The following PSG5 variants were observed in gnomAD, a reference collection of about 807,000 sequenced individuals.
PSG5 encodes the protein pregnancy-specific beta-1-glycoprotein 5.
Under a neutral mutation model 37.7 loss-of-function variants are expected in PSG5, and 53 were observed. The ratio of observed to expected loss-of-function variants is 1.41; its 90% CI spans 1.13 to 1.77. The LOEUF (loss-of-function observed/expected upper bound fraction) is 1.77, where lower values mean the gene tolerates loss of function less well. Among genes scored for constraint, PSG5 ranks in the 40% most tolerant of loss-of-function variants. The pLI is 0.00. For synonymous variants in PSG5, 221 were observed against 155.4 expected (o/e 1.42, Z -3.14); for missense variants, 547 against 405.2 (o/e 1.35, Z -3.00).
At chr19:43,180,490 G>T (rs974832714) in intron 2 of PSG5, 1 of 151,484 alleles carries the variant, frequency 6.6e-6, no homozygotes, top group African/African-American at 2.4e-5. Flanking sequence ...TTGAGTTTTG[G>T]AGCATTTCAG....
At chr19:43,180,056 A>G (rs1448965122) in intron 2 of PSG5, among the ~76,000 whole-genome samples, 8 of 151,682 alleles carry the variant, frequency 5.3e-5, no homozygotes, top group Non-Finnish European at 1.2e-4. Context: ...TGGATATTAG[A>G]CCAATATTTG....
chr19:43,168,645 T>G (rs935674630), intron 5 of PSG5, among the ~76,000 whole-genome samples: 11 of 151,786 alleles, frequency 7.2e-5, no homozygotes, highest in Non-Finnish European at 1.3e-4. Context: ...CTGCTGGGAT[T>G]GCAGGCGTGA....
At chr19:43,171,983 C>CAAAAAAAAAAAAAAAAAAA (rs60198220) in intron 4 of PSG5, among the ~76,000 whole-genome samples, 4 of 105,138 alleles carry the variant, frequency 3.8e-5, no homozygotes, top group African/African-American at 1.4e-4. Context: ...TCCCTCTCTT[C>CAAAAAAAAAAAAAAAAAAA]AAAAAAAAAA....
chr19:43,182,233 A>G (rs1230396207), intron 2 of PSG5, among the ~76,000 whole-genome samples: 1 of 151,780 alleles, frequency 6.6e-6, no homozygotes, highest in African/African-American at 2.4e-5. Flanking sequence ...TGAGATTAAG[A>G]TTATAGGAGG....
intron 4 of PSG5, chr19:43,174,085 A>G (rs1041474485): frequency 9.9e-5 from 15 of 151,724 alleles, no homozygotes; most frequent in African/African-American, 3.4e-4. Flanking sequence ...CCTTAAAGAT[A>G]TTATGCTAAC....
intron 2 of PSG5, among the ~76,000 whole-genome samples, chr19:43,179,382 T>C (rs1386413090): frequency 1.3e-5 from 2 of 151,510 alleles, no homozygotes; most frequent in Admixed American, 6.6e-5. Flanking sequence ...CAAGTGTGAA[T>C]TGAGCAGCAG....
chr19:43,175,495 G>C, intron 3 of PSG5, 26 bp from the exon 4 acceptor site: 3 of 1,584,538 alleles, frequency 1.9e-6, no homozygotes, highest in South Asian at 1.2e-5. Context: ...TGAAGCCACA[G>C]GTGATGTCAT....
In PSG5 at chr19:43,168,608, G is replaced by C. The variant is rs564898749; in HGVS notation, c.*41-405C>G. ...AGGATGGTCTCGATCTCCTGACATC[G>C]TGATGTGCCCACCTCGGCCTCCCAA... On this transcript the variant is annotated intron_variant, in intron 5 of 5. Transcript: ENST00000342951. Among the ~76,000 whole-genome samples, 8 of 151,770 alleles carry C rather than the reference G, an allele frequency of 5.3e-5. 1 individual carries two copies. Among genetic ancestry groups the C allele is most frequent in the African/African-American group, 1.5e-4 (6 of 41,298 alleles).
intron 4 of PSG5, among the ~76,000 whole-genome samples, chr19:43,171,740 A>G (rs1416315515): frequency 2.6e-5 from 4 of 151,506 alleles, no homozygotes; most frequent in Non-Finnish European, 5.9e-5. Flanking sequence ...AGGTCACAGC[A>G]GAAGGATTTC....
At chr19:43,181,305 G>T (rs1394740498) in intron 2 of PSG5, among the ~76,000 whole-genome samples, 1 of 151,654 alleles carries the variant, frequency 6.6e-6, no homozygotes, top group Non-Finnish European at 1.5e-5. Flanking sequence ...TAAATGTGAA[G>T]TTGAATGTGT....
chr19:43,182,041 C>G (rs985491890), intron 2 of PSG5, among the ~76,000 whole-genome samples: 1 of 151,702 alleles, frequency 6.6e-6, no homozygotes, highest in African/African-American at 2.4e-5. Context: ...GCATGTCTGA[C>G]TCCATCTGGC....
intron 4 of PSG5, chr19:43,170,700 C>T (rs1243546722): frequency 5.4e-6 from 1 of 184,016 alleles, no homozygotes; most frequent in Non-Finnish European, 1.2e-5. Flanking sequence ...CTTGCAAAAA[C>T]TCTTAGAACT....
In PSG5 at chr19:43,167,837, T is replaced by C. The variant is rs934677608; in HGVS notation, c.*407A>G. On this transcript the variant is annotated 3_prime_UTR_variant, in exon 6 of 6. Transcript: ENST00000342951. ...CACTCAGATAGAGAGCAAAAGCAAATGTTTCAATTTTTGTTTACAAAAGTA... is the reference window on the plus strand; with the variant it reads ...CACTCAGATAGAGAGCAAAAGCAAACGTTTCAATTTTTGTTTACAAAAGTA... 3.4e-5 allele frequency: 10 copies of C among 290,692 alleles called. No individual in the cohort carries two copies. In the Admixed American group the frequency reaches 5.2e-4, roughly 15 times the overall value. The allele number at this position is 290,692 out of a possible 1,614,324, so 18.0% of individuals were successfully genotyped here.
At chr19:43,168,769 A>G (rs1968842138) in intron 5 of PSG5, among the ~76,000 whole-genome samples, 1 of 151,648 alleles carries the variant, frequency 6.6e-6, no homozygotes, top group Admixed American at 6.6e-5. Flanking sequence ...ACAATTTAAT[A>G]TATCAAATAA....
intron 2 of PSG5, among the ~76,000 whole-genome samples, chr19:43,177,540 T>C (rs1368757482): frequency 6.6e-6 from 1 of 150,846 alleles, no homozygotes; most frequent in Non-Finnish European, 1.5e-5. Flanking sequence ...GTTTCTACCA[T>C]GGTGATTAGT....
In PSG5 at chr19:43,175,027, G is replaced by A. The variant is rs955095091; in HGVS notation, c.964+188C>T. On this transcript the variant is annotated intron_variant, in intron 4 of 5. Transcript: ENST00000342951. ...TTAGGCCAGACACAAGGTCAGCCAT[G>A]AGAAAACAGAAAAACAAGGAGAAGA... The A allele has an allele frequency of 6.7e-6, 10 of 1,502,708 alleles. No homozygotes were observed. The African/African-American group carries it at 1.1e-4, about 17-fold the overall frequency. The allele number at this position is 1,502,708 out of a possible 1,614,324, so 93.1% of individuals were successfully genotyped here.
chr19:43,173,838 C>T (rs1433214778), intron 4 of PSG5, among the ~76,000 whole-genome samples: 1 of 151,446 alleles, frequency 6.6e-6, no homozygotes, highest in Non-Finnish European at 1.5e-5. Flanking sequence ...CAATAACTTA[C>T]CATTTGATCC....
chr19:43,183,416 G>T, intron 2 of PSG5: 2 of 528,786 alleles, frequency 3.8e-6, no homozygotes, highest in Non-Finnish European at 7.7e-6. Context: ...TCCTTCATTT[G>T]TTATGTGAGA....
rs1480826604 is a variant in PSG5 at position 43,167,999 on chromosome 19, TC to T, written c.*244del. 2 of 410,464 alleles carry T rather than the reference TC, an allele frequency of 4.9e-6. No individual in the cohort carries two copies. Among genetic ancestry groups the T allele is most frequent in the Non-Finnish European group, 9.0e-6 (2 of 223,242 alleles). 25.4% of individuals were successfully genotyped at this position (410,464 alleles called of 1,614,324 possible). Reference sequence around the variant, plus strand: ...TTAGTCCAATAACATGGAGTTTTTTTCTTCTTTGTCTAGAATTTCATGAAGG... The same window carrying T: ...TTAGTCCAATAACATGGAGTTTTTTTTTCTTTGTCTAGAATTTCATGAAGG... On this transcript the variant is annotated 3_prime_UTR_variant, in exon 6 of 6. Coordinates refer to ENST00000342951, the MANE Select transcript of PSG5 (RefSeq NM_002781.4).
Sources: allele counts gnomAD v4.1 joint callset (sites outside exome capture counted in the v4.1 genomes callset), GRCh38; gene constraint gnomAD v4.1.1; transcripts MANE v1.5; gene names NCBI Gene and HGNC (gene_info 2026-07-23, HGNC 2026-07-21).